Variants in LSM14A observed in about 807,000 individuals in gnomAD.
The protein encoded by LSM14A is LSM14A mRNA processing body assembly factor, also known as protein LSM14 homolog A.
A neutral mutation model predicts 52.4 loss-of-function variants in LSM14A; 14 were observed. The observed-to-expected ratio is 0.27, with a 90% confidence interval of 0.18 to 0.42. LSM14A has a LOEUF of 0.42. LSM14A is among the 10% of genes least tolerant of loss of function. The pLI is 1.00. For synonymous variants in LSM14A, 185 were observed against 200.3 expected, an observed-to-expected ratio of 0.92 and a Z score of 0.64; for missense variants, 417 against 581.8, an observed-to-expected ratio of 0.72 and a Z score of 2.91.
At chr19:34,188,437 T>C (rs2070095908) in intron 1 of LSM14A, among the ~76,000 whole-genome samples, 1 of 152,216 alleles carries the variant, frequency 6.6e-6, no homozygotes, top group Non-Finnish European at 1.5e-5. Flanking sequence ...TGTAGGTGTG[T>C]GCGCACATGT....
intron 1 of LSM14A, among the ~76,000 whole-genome samples, chr19:34,186,959 G>A (rs1004782332): frequency 6.6e-6 from 1 of 151,976 alleles, no homozygotes; most frequent in African/African-American, 2.4e-5. Context: ...AAAAGTTCAG[G>A]CCGGGTGTGG....
chr19:34,225,580 G>A (rs961295613), intron 9 of LSM14A, among the ~76,000 whole-genome samples: 1 of 152,112 alleles, frequency 6.6e-6, no homozygotes. Flanking sequence ...GAAAACATGG[G>A]TAAAGATAAA....
intron 3 of LSM14A, among the ~76,000 whole-genome samples, chr19:34,205,711 C>T (rs1044710076): frequency 2.0e-5 from 3 of 149,754 alleles, no homozygotes; most frequent in African/African-American, 7.4e-5. Context: ...CGCCAGGGGA[C>T]AGCTAGGAAA....
intron 9 of LSM14A, chr19:34,221,965 T>C (rs2073093234): frequency 5.1e-6 from 3 of 584,616 alleles, no homozygotes; most frequent in Non-Finnish European, 6.5e-6. Flanking sequence ...AATATACTTT[T>C]AACACCCAAA....
At chr19:34,173,604 G>T (rs908854312) in intron 1 of LSM14A, among the ~76,000 whole-genome samples, 2 of 152,190 alleles carry the variant, frequency 1.3e-5, no homozygotes, top group Admixed American at 6.5e-5. Flanking sequence ...CCTAGAGTCT[G>T]TGTGGGTTTT....
chr19:34,197,507 C>T (rs921470923), intron 3 of LSM14A, among the ~76,000 whole-genome samples: 1 of 146,324 alleles, frequency 6.8e-6, no homozygotes, highest in African/African-American at 2.5e-5. Flanking sequence ...GGCATGATCT[C>T]CGCTCACTGC....
chr19:34,194,070 G>T (rs1869230072), intron 1 of LSM14A, among the ~76,000 whole-genome samples: 1 of 152,120 alleles, frequency 6.6e-6, no homozygotes, highest in Non-Finnish European at 1.5e-5. Flanking sequence ...CTACGTGGGA[G>T]GTTGAGATAG....
intron 4 of LSM14A, among the ~76,000 whole-genome samples, chr19:34,210,142 G>A (rs2072025324): frequency 6.6e-6 from 1 of 152,102 alleles, no homozygotes; most frequent in Non-Finnish European, 1.5e-5. Context: ...AAGACCTATA[G>A]TCACAAGACA....
At chr19:34,186,574 T>C (rs1053970570) in intron 1 of LSM14A, among the ~76,000 whole-genome samples, 2 of 152,320 alleles carry the variant, frequency 1.3e-5, no homozygotes, top group Admixed American at 1.3e-4. Context: ...ATCTGATTTA[T>C]TCTGTTTCTC....
In LSM14A at chr19:34,203,143, T is replaced by C. The variant is rs529112865; in HGVS notation, c.416-5786T>C. Among the ~76,000 whole-genome samples the C allele has an allele frequency of 5.2e-4, 77 of 148,600 alleles. No individual in the cohort carries two copies. The South Asian group carries it at 6.1e-3, about 12-fold the overall frequency. On this transcript the variant is annotated intron_variant, in intron 3 of 9. Transcript: ENST00000544216. ...CTGCTGCAGTTAGAAAAAGGATTCA[T>C]AGAAACAGTGAAAGGTATAGATTGA...
At chr19:34,221,974 A>G (rs2145887765) in intron 9 of LSM14A, 1 of 463,240 alleles carries the variant, frequency 2.2e-6, no homozygotes, top group South Asian at 8.9e-5. Context: ...TTAACACCCA[A>G]AGAGTCTATC....
At chr19:34,211,444 T>G (rs1237284459) in intron 4 of LSM14A, among the ~76,000 whole-genome samples, 1 of 152,010 alleles carries the variant, frequency 6.6e-6, no homozygotes, top group African/African-American at 2.4e-5. Flanking sequence ...TATGACCAAC[T>G]TCTATGATAA....
intron 3 of LSM14A, chr19:34,208,165 T>C (rs977388665): frequency 2.0e-5 from 3 of 152,204 alleles, no homozygotes; most frequent in Admixed American, 6.5e-5. Flanking sequence ...GATAATGTTA[T>C]TACATTTATA....
intron 1 of LSM14A, among the ~76,000 whole-genome samples, chr19:34,174,666 A>G (rs928103389): frequency 2.6e-5 from 4 of 152,204 alleles, no homozygotes; most frequent in Non-Finnish European, 4.4e-5. Context: ...TATTTTTTAT[A>G]CAATAGTTAC....
chr19:34,173,825 AAG>A (rs1241587120), intron 1 of LSM14A, among the ~76,000 whole-genome samples: 1 of 125,476 alleles, frequency 8.0e-6, no homozygotes, highest in Non-Finnish European at 1.6e-5. Context: ...TCCAAGGATA[AAG>A]AAGAAGATTT....
At chr19:34,225,080 G>C (rs967784936) in intron 9 of LSM14A, among the ~76,000 whole-genome samples, 1 of 152,190 alleles carries the variant, frequency 6.6e-6, no homozygotes, top group Non-Finnish European at 1.5e-5. Flanking sequence ...TCACCAGCTA[G>C]ATGAGAACCT....
intron 4 of LSM14A, among the ~76,000 whole-genome samples, chr19:34,211,091 TC>T (rs2072109339): frequency 6.6e-6 from 1 of 151,602 alleles, no homozygotes; most frequent in Non-Finnish European, 1.5e-5. Context: ...TCGCCTGAGG[TC>T]AGGGGTTCGA....
chr19:34,192,720 A>T (rs2070536453), intron 1 of LSM14A, among the ~76,000 whole-genome samples: 1 of 147,754 alleles, frequency 6.8e-6, no homozygotes. Context: ...CACGCCTGTG[A>T]TGCCAGCACT....
intron 4 of LSM14A, among the ~76,000 whole-genome samples, chr19:34,211,612 C>G (rs2072158284): frequency 6.6e-6 from 1 of 152,040 alleles, no homozygotes; most frequent in Admixed American, 6.6e-5. Flanking sequence ...CGTAGTGAAA[C>G]TTCATCTCTA....
Sources: gnomAD v4.1 joint callset for allele counts (sites outside exome capture counted in the v4.1 genomes callset) on GRCh38, gnomAD v4.1.1 for gene constraint, MANE v1.5 for transcripts, NCBI Gene and HGNC (gene_info 2026-07-23, HGNC 2026-07-21) for gene names.